Variants in GLI2 observed in about 807,000 individuals in gnomAD.
GLI2 encodes GLI family zinc finger 2.
In GLI2, 22 loss-of-function variants were observed where a neutral mutation model predicts 78.9. The ratio of observed to expected loss-of-function variants is 0.28; its 90% confidence interval spans 0.20 to 0.40. GLI2 has a LOEUF of 0.40. GLI2 is among the 10% of genes least tolerant of loss of function. The pLI, the probability that GLI2 is intolerant of heterozygous loss-of-function variation, is 1.00. For missense variants in GLI2, 2,097 were observed against 2,213.2 expected, an observed-to-expected ratio of 0.95 and a Z score of 1.05; for synonymous variants, 974 against 963.7, an observed-to-expected ratio of 1.01 and a Z score of -0.20.
At chr2:120,975,360 A>G (rs747469863) in intron 9 of GLI2, among the ~76,000 whole-genome samples, 1 of 152,276 alleles carries the variant, frequency 6.6e-6, no homozygotes, top group Non-Finnish European at 1.5e-5. Flanking sequence ...CTGTCAGGGA[A>G]AAGAGAACAA....
At chr2:120,821,834 G>A (rs1319502491) in intron 2 of GLI2, among the ~76,000 whole-genome samples, 1 of 152,184 alleles carries the variant, frequency 6.6e-6, no homozygotes, top group Non-Finnish European at 1.5e-5. Flanking sequence ...TCTTCACCAG[G>A]GCCGCCCAGC....
chr2:120,746,905 A>T (rs1682711434), intron 1 of GLI2, among the ~76,000 whole-genome samples: 1 of 152,002 alleles, frequency 6.6e-6, no homozygotes, highest in South Asian at 2.1e-4. Flanking sequence ...TATCATGGAG[A>T]TCTCTCATGT....
intron 5 of GLI2, among the ~76,000 whole-genome samples, chr2:120,961,927 G>C (rs1681583617): frequency 6.6e-6 from 1 of 152,184 alleles, no homozygotes; most frequent in Non-Finnish European, 1.5e-5. Flanking sequence ...CCGGGCTGAG[G>C]ATGGCATCTG....
intron 2 of GLI2, among the ~76,000 whole-genome samples, chr2:120,888,847 A>G (rs1677541723): frequency 6.6e-6 from 1 of 152,150 alleles, no homozygotes. Flanking sequence ...TTTTTCCAGG[A>G]GAACCCAACA....
intron 2 of GLI2, among the ~76,000 whole-genome samples, chr2:120,841,032 A>T (rs898215343): frequency 6.6e-6 from 1 of 152,152 alleles, no homozygotes; most frequent in Non-Finnish European, 1.5e-5. Context: ...CATTCTGTTT[A>T]TTGAGCTGGA....
chr2:120,796,481 C>G (rs1035286740), intron 1 of GLI2, among the ~76,000 whole-genome samples: 5 of 152,212 alleles, frequency 3.3e-5, no homozygotes, highest in African/African-American at 9.6e-5. Context: ...GGCCACTACT[C>G]AAAGAAGCCA....
intron 2 of GLI2, among the ~76,000 whole-genome samples, chr2:120,877,100 A>C (rs1207954457): frequency 6.6e-6 from 1 of 152,182 alleles, no homozygotes. Context: ...GGCTTGGCCC[A>C]GCTCCTCAGC....
chr2:120,833,112 A>C (rs7591937), intron 2 of GLI2, among the ~76,000 whole-genome samples: 144,764 of 152,032 alleles, frequency 0.95, 69,058 homozygotes, highest in East Asian at 1. Context: ...CCTTCATTTT[A>C]TTCTCCTCGC....
At chr2:120,882,600 G>C (rs887349872) in intron 2 of GLI2, among the ~76,000 whole-genome samples, 4 of 152,222 alleles carry the variant, frequency 2.6e-5, no homozygotes, top group African/African-American at 4.8e-5. Flanking sequence ...CTTTGAGCGC[G>C]GGTGTCTGGG....
intron 2 of GLI2, among the ~76,000 whole-genome samples, chr2:120,918,511 G>T (rs1031671426): frequency 4.7e-5 from 7 of 148,920 alleles, no homozygotes; most frequent in Non-Finnish European, 8.9e-5. Context: ...CGCAATCTCA[G>T]CTCACTGCAA....
chr2:120,959,259 C>T lies in GLI2; in HGVS notation c.643+3829C>T, dbSNP rs137928006. Among the ~76,000 whole-genome samples, 4 of 152,330 alleles carry T rather than the reference C, an allele frequency of 2.6e-5. No homozygotes were observed. In the East Asian group the frequency reaches 5.8e-4, roughly 22 times the overall value. On this transcript the variant is annotated intron_variant, in intron 5 of 13. Transcript: ENST00000361492. Reference sequence around the variant, plus strand: ...CTTCTCCACCTCCGCCTTGGGAACACATCTGGCTTCAGGACATGGAGGTAA... The same window carrying T: ...CTTCTCCACCTCCGCCTTGGGAACATATCTGGCTTCAGGACATGGAGGTAA...
chr2:120,970,348 C>G, intron 6 of GLI2, 45 bp from the exon 7 acceptor site: 1 of 1,027,664 alleles, frequency 9.7e-7, no homozygotes, highest in South Asian at 1.3e-5. Context: ...CCTAAGAGAG[C>G]TCCCGATCCC....
intron 2 of GLI2, among the ~76,000 whole-genome samples, chr2:120,823,320 A>C (rs1366096578): frequency 6.6e-6 from 1 of 152,160 alleles, no homozygotes; most frequent in East Asian, 1.9e-4. Context: ...TTAGCCATAC[A>C]GTGGGGGGAA....
chr2:120,801,904 G>A (rs1684724299), intron 2 of GLI2, among the ~76,000 whole-genome samples: 1 of 152,236 alleles, frequency 6.6e-6, no homozygotes, highest in Non-Finnish European at 1.5e-5. Context: ...CTCACATGGT[G>A]AGAGTCTCTT....
At chr2:120,895,880 C>G (rs1292904236) in intron 2 of GLI2, among the ~76,000 whole-genome samples, 2 of 152,182 alleles carry the variant, frequency 1.3e-5, no homozygotes, top group Non-Finnish European at 1.5e-5. Context: ...ACTGTGGTTG[C>G]TATGGTTTTC....
intron 1 of GLI2, among the ~76,000 whole-genome samples, chr2:120,740,779 A>C (rs1277163573): frequency 6.6e-6 from 1 of 152,258 alleles, no homozygotes; most frequent in African/African-American, 2.4e-5. Flanking sequence ...AGTGAAATAA[A>C]GGGGACTTTT....
At chr2:120,907,765 C>T (rs1233122563) in intron 2 of GLI2, among the ~76,000 whole-genome samples, 1 of 152,068 alleles carries the variant, frequency 6.6e-6, no homozygotes, top group Non-Finnish European at 1.5e-5. Context: ...ATAACCCCCC[C>T]AACACACACA....
intron 2 of GLI2, among the ~76,000 whole-genome samples, chr2:120,840,609 T>G (rs1292761143): frequency 6.6e-6 from 1 of 152,212 alleles, no homozygotes; most frequent in African/African-American, 2.4e-5. Flanking sequence ...ATGGGGACTA[T>G]AAATTTGAAC....
chr2:120,918,433 A>C (rs1381257724), intron 2 of GLI2, among the ~76,000 whole-genome samples: 6 of 149,948 alleles, frequency 4.0e-5, no homozygotes, highest in African/African-American at 1.5e-4. Context: ...GACACCATAA[A>C]TATTCTTTTT....
Sources: gnomAD v4.1 joint callset for allele counts (sites outside exome capture counted in the v4.1 genomes callset) on GRCh38, gnomAD v4.1.1 for gene constraint, MANE v1.5 for transcripts, NCBI Gene and HGNC (gene_info 2026-07-23, HGNC 2026-07-21) for gene names.